Variants in SCUBE2 observed in about 807,000 individuals in gnomAD.
SCUBE2 encodes the protein signal peptide, CUB and EGF-like domain-containing protein 2.
SCUBE2 carries 114 observed loss-of-function variants against 125.9 expected under a neutral mutation model. The ratio of observed to expected loss-of-function variants is 0.91; its 90% CI spans 0.78 to 1.06. The LOEUF is 1.06. Among genes scored for constraint, SCUBE2 ranks in the 50% least tolerant of loss-of-function variants. SCUBE2 has a pLI of 0.00. For missense variants in SCUBE2, 1,255 were observed against 1,301.8 expected (o/e 0.96, Z 0.55); for synonymous variants, 459 against 492.9 (o/e 0.93, Z 0.91).
intron 5 of SCUBE2, among the ~76,000 whole-genome samples, chr11:9,068,860 T>C (rs1435781939): frequency 6.6e-6 from 1 of 152,250 alleles, no homozygotes; most frequent in East Asian, 1.9e-4. Flanking sequence ...AAGGTAGCTA[T>C]TATGCTTATC....
chr11:9,074,466 G>A lies in SCUBE2; in HGVS notation c.517+15C>T, dbSNP rs2135828185. The A allele has an allele frequency of 6.2e-7, 1 of 1,613,932 alleles. No individual in the cohort carries two copies. The highest frequency in any genetic ancestry group is 8.5e-7 in the Non-Finnish European group (1 of 1,179,858). ...AGATGTGGCTCTGCCCCCATCCACA[G>A]CTGGGCAGAGGTACCTTCCGAGCGG... On this transcript the variant is annotated intron_variant, in intron 4 of 22. Coordinates refer to ENST00000649792, the MANE Select transcript of SCUBE2 (RefSeq NM_001367977.2).
intron 19 of SCUBE2, 21 bp downstream of exon 19, chr11:9,029,863 A>G (rs1479059468): frequency 1.2e-6 from 2 of 1,613,880 alleles, no homozygotes; most frequent in South Asian, 1.1e-5. Flanking sequence ...GAACTATGAA[A>G]AGCCTTAGAG....
At chr11:9,061,152 C>T (rs1199040764) in intron 7 of SCUBE2, among the ~76,000 whole-genome samples, 1 of 152,136 alleles carries the variant, frequency 6.6e-6, no homozygotes, top group East Asian at 1.9e-4. Flanking sequence ...GTATCTCATA[C>T]AGTTAGTCCA....
chr11:9,077,396 T>C (rs1160235577), intron 3 of SCUBE2, among the ~76,000 whole-genome samples: 3 of 152,194 alleles, frequency 2.0e-5, no homozygotes, highest in Non-Finnish European at 4.4e-5. Context: ...TGGGGTGAGC[T>C]GTATAGAAGA....
At position 9,019,629 on chromosome 11, in the gene SCUBE2, A is replaced by G. The variant is rs929717567; in HGVS notation, c.*1416T>C. 2.0e-5 allele frequency among the ~76,000 whole-genome samples: 3 copies of G among 152,184 alleles called. No individual in the cohort carries two copies. Among genetic ancestry groups the G allele is most frequent in the Middle Eastern group, 3.2e-3 (1 of 316 alleles). Reference sequence around the variant, plus strand: ...CTTTTTAAGAATCAATGTTATTAACAGGTTAAAAAAAGCAACACTGAGATG... The same window carrying G: ...CTTTTTAAGAATCAATGTTATTAACGGGTTAAAAAAAGCAACACTGAGATG... On this transcript the variant is annotated 3_prime_UTR_variant, in exon 23 of 23. Transcript: ENST00000649792.
rs1414939169 is a variant in SCUBE2, at chr11:9,030,745, G to T, written c.2341+13C>A. 2 of 1,608,798 alleles carry T rather than the reference G, an allele frequency of 1.2e-6. No homozygotes were observed. Among genetic ancestry groups the T allele is most frequent in the Non-Finnish European group, 8.5e-7 (1 of 1,177,190 alleles). ...ATCCAGTCCTAGAAAAAGGCAAGCTGCCAAGTACTCACCTCTGGTTTCACA... is the reference window on the plus strand; with the variant it reads ...ATCCAGTCCTAGAAAAAGGCAAGCTTCCAAGTACTCACCTCTGGTTTCACA... On this transcript the variant is annotated intron_variant, in intron 18 of 22. Transcript: ENST00000649792.
chr11:9,049,090 AT>A (rs1422668566), intron 14 of SCUBE2, among the ~76,000 whole-genome samples: 3 of 152,096 alleles, frequency 2.0e-5, no homozygotes, highest in African/African-American at 7.2e-5. Context: ...AAATAAGTAG[AT>A]TTATAGAAAA....
At chr11:9,031,619 C>T (rs1474177615) in intron 17 of SCUBE2, among the ~76,000 whole-genome samples, 1 of 151,624 alleles carries the variant, frequency 6.6e-6, no homozygotes, top group African/African-American at 2.4e-5. Context: ...TCCAGAAAGA[C>T]CTTGTCTCTA....
intron 2 of SCUBE2, among the ~76,000 whole-genome samples, chr11:9,082,321 C>A (rs571676968): frequency 6.6e-6 from 1 of 152,152 alleles, no homozygotes; most frequent in Non-Finnish European, 1.5e-5. Flanking sequence ...TTTTGATGTT[C>A]AAAATTTTTA....
chr11:9,054,159 G>A (rs1858751480), intron 10 of SCUBE2, among the ~76,000 whole-genome samples: 1 of 152,008 alleles, frequency 6.6e-6, no homozygotes, highest in Non-Finnish European at 1.5e-5. Flanking sequence ...AACACGCCTG[G>A]CTAATTTTTG....
intron 16 of SCUBE2, among the ~76,000 whole-genome samples, chr11:9,044,169 T>C (rs1857491036): frequency 6.6e-6 from 1 of 152,206 alleles, no homozygotes; most frequent in South Asian, 2.1e-4. Flanking sequence ...AGAAATGAGG[T>C]TGCTCCGCTA....
At chr11:9,072,398 T>C (rs1214078480) in intron 4 of SCUBE2, among the ~76,000 whole-genome samples, 2 of 152,070 alleles carry the variant, frequency 1.3e-5, no homozygotes, top group African/African-American at 4.8e-5. Flanking sequence ...TTAGTAGAGA[T>C]GGGGTTTCAC....
chr11:9,042,081 C>T (rs1218923496), intron 16 of SCUBE2, among the ~76,000 whole-genome samples: 1 of 152,094 alleles, frequency 6.6e-6, no homozygotes, highest in Non-Finnish European at 1.5e-5. Context: ...GAAGTTGTTT[C>T]GCTAGACTCC....
rs561441941 is a variant in SCUBE2, at chr11:9,023,430, G to A, written c.2855-1475C>T. On this transcript the variant is annotated intron_variant, in intron 21 of 22. Transcript: ENST00000649792. ...TTCTTTTCATCTTGAATTCCTCTGCGGCAGTATCTCTCCTCTTTTTGTTGA... is the reference window on the plus strand; with the variant it reads ...TTCTTTTCATCTTGAATTCCTCTGCAGCAGTATCTCTCCTCTTTTTGTTGA... Among the ~76,000 whole-genome samples the A allele has an allele frequency of 3.9e-5, 6 of 152,094 alleles. No homozygotes were observed. The East Asian group carries it at 5.8e-4, about 15-fold the overall frequency.
intron 4 of SCUBE2, 69 bp downstream of exon 4, chr11:9,074,412 G>A: frequency 1.3e-6 from 2 of 1,571,182 alleles, no homozygotes; most frequent in South Asian, 1.2e-5. Flanking sequence ...GAGTCAGTGT[G>A]TGTGTGCGCG....
chr11:9,054,154 G>A (rs1171165754), intron 10 of SCUBE2, among the ~76,000 whole-genome samples: 2 of 151,928 alleles, frequency 1.3e-5, no homozygotes, highest in African/African-American at 2.4e-5. Context: ...GTGCCAACAC[G>A]CCTGGCTAAT....
Position 9,045,606 on chromosome 11 carries a change from GACAGACACACACACACACACAC to G in SCUBE2, c.2002+1728_2002+1749del, listed in dbSNP as rs1456032122. 9.7e-3 allele frequency among the ~76,000 whole-genome samples: 1,121 copies of G among 115,240 alleles called. 11 individuals carry two copies. Among genetic ancestry groups the G allele is most frequent in the African/African-American group, 0.034 (1,069 of 31,752 alleles). The allele number at this position is 115,240 out of a possible 152,430, so 75.6% of individuals were successfully genotyped here. A position where few individuals can be genotyped will look rare whatever the true frequency, so the allele number is the denominator to read the frequency against. On this transcript the variant is annotated intron_variant, in intron 16 of 22. Coordinates refer to ENST00000649792, the MANE Select transcript of SCUBE2 (RefSeq NM_001367977.2). ...ATAGACCAGGACTAGAAGACAGACA[GACAGACACACACACACACACAC>G]ACACACACACACACACACACACACA...
chr11:9,021,902 A>G lies in SCUBE2; in HGVS notation c.2908T>C (p.Ser970Pro). 3 of 1,613,902 alleles carry G rather than the reference A, an allele frequency of 1.9e-6. No individual in the cohort carries two copies. Among genetic ancestry groups the G allele is most frequent in the Non-Finnish European group, 2.5e-6 (3 of 1,179,786 alleles). ...TTAAGTATTTCCTGATGGTTCTCAG[A>G]TGCATAGAGCCTGCCATCTCGAACT... ...DIVRDGRLYA[S>P]ENHQEILKDK... Residue 970 changes from serine (S) to proline (P), a missense_variant, in exon 22 of 23, where the codon TCT (serine) becomes CCT (proline). This residue lies in a region of SCUBE2 where 515 missense variants were observed against 515.7 expected (regional missense o/e 1.00). Transcript: ENST00000649792.
rs747345481 is a variant in SCUBE2 at position 9,074,631 on chromosome 11, G to A, written c.383-16C>T. On this transcript the variant is annotated splice_polypyrimidine_tract_variant and intron_variant, in intron 3 of 22. Transcript: ENST00000649792. ...TCGTCCACATCTGGAAGGAGAGAGG[G>A]ATTAGCCTTTGCTTTGGTGACTGTT... 3 of 1,613,874 alleles carry A rather than the reference G, an allele frequency of 1.9e-6. No homozygotes were observed. The South Asian group carries it at 3.3e-5, about 18-fold the overall frequency.
Sources: gnomAD v4.1 joint callset for allele counts (sites outside exome capture counted in the v4.1 genomes callset) on GRCh38, gnomAD v4.1.1 for gene constraint, gnomAD v4.1.1 regional missense constraint, MANE v1.5 for transcripts, NCBI Gene and HGNC (gene_info 2026-07-23, HGNC 2026-07-21) for gene names.